The following RPA1 variants were observed in gnomAD, a reference collection of about 807,000 sequenced individuals.
RPA1 encodes replication protein A 70 kDa DNA-binding subunit.
Under a neutral mutation model 83.0 loss-of-function variants are expected in RPA1, and 49 were observed. The ratio of observed to expected loss-of-function variants is 0.59; its 90% CI spans 0.47 to 0.75. RPA1 has a LOEUF of 0.75. Ranked by LOEUF, RPA1 falls within the 30% of genes least tolerant of loss-of-function variation. The probability of loss-of-function intolerance (pLI) is 0.00; values close to 1 mark genes in which losing one functional copy is unlikely to be tolerated. For synonymous variants in RPA1, 279 were observed against 281.8 expected (o/e 0.99, Z 0.10); for missense variants, 693 against 776.1 (o/e 0.89, Z 1.27).
chr17:1,849,289 C>CTTTTTTTTTTTTTTT (rs61062085), intron 4 of RPA1, among the ~76,000 whole-genome samples: 1 of 116,320 alleles, frequency 8.6e-6, no homozygotes, highest in African/African-American at 3.4e-5. Flanking sequence ...GTTGGCTGTT[C>CTTTTTTTTTTTTTTT]TTTTTTTTTT....
At chr17:1,838,125 C>A (rs185106506) in intron 1 of RPA1, among the ~76,000 whole-genome samples, 56 of 151,460 alleles carry the variant, frequency 3.7e-4, no homozygotes, top group Admixed American at 5.9e-4. Context: ...AATCCCGTCT[C>A]TACTAAAAAT....
Position 1,842,852 on chromosome 17 carries a change from T to C in RPA1, c.83T>C (p.Ile28Thr), listed in dbSNP as rs777110403. 7 of 1,613,896 alleles carry C rather than the reference T, an allele frequency of 4.3e-6. No homozygotes were observed. The African/African-American group carries it at 8.0e-5, about 18-fold the overall frequency. ...DTNIKPILQV[I>T]NIRPITTGNS... ...AACATAAAGCCCATCCTCCAAGTCA[T>C]CGTAAGTACCTGCGTATGTTATGTT... The change falls in exon 2 of 17, where the codon ATC (isoleucine) becomes ACC (threonine). Residue 28 changes from isoleucine to threonine, a missense_variant and splice_region_variant. Transcript: ENST00000254719.
chr17:1,853,244 C>T lies in RPA1; in HGVS notation c.361+55C>T, dbSNP rs17338670. 9.2e-3 allele frequency: 12,034 copies of T among 1,310,206 alleles called. 168 individuals are homozygous for T. The highest frequency in any genetic ancestry group is 0.031 in the South Asian group (2,607 of 83,228). 81.2% of individuals were successfully genotyped at this position (1,310,206 alleles called of 1,614,324 possible). A position where few individuals can be genotyped will look rare whatever the true frequency, so the allele number is the denominator to read the frequency against. ...TCAAATGAATACCTCTTTATATATT[C>T]GGAGTTCTACCTTTTGGATTCAGTT... On this transcript the variant is annotated intron_variant, in intron 5 of 16. Transcript: ENST00000254719.
intron 5 of RPA1, among the ~76,000 whole-genome samples, chr17:1,863,660 C>G (rs1464095821): frequency 5.9e-5 from 9 of 152,200 alleles, no homozygotes. Context: ...GGGCCGACAT[C>G]AAAATTTAAA....
At chr17:1,896,060 C>T (rs980794411) in intron 16 of RPA1, among the ~76,000 whole-genome samples, 1 of 152,194 alleles carries the variant, frequency 6.6e-6, no homozygotes, top group Admixed American at 6.5e-5. Flanking sequence ...TGGAACATCT[C>T]ACTTGAGCCT....
At chr17:1,890,238 G>T (rs1012165758) in intron 14 of RPA1, among the ~76,000 whole-genome samples, 1 of 151,786 alleles carries the variant, frequency 6.6e-6, no homozygotes, top group African/African-American at 2.4e-5. Flanking sequence ...GTGGTGGTAT[G>T]CACTTGTCCC....
intron 1 of RPA1, among the ~76,000 whole-genome samples, chr17:1,836,873 C>G (rs1444332521): frequency 6.8e-6 from 1 of 147,828 alleles, no homozygotes; most frequent in Non-Finnish European, 1.5e-5. Context: ...CAGTCTTGCT[C>G]TGTTGCCAGA....
intron 1 of RPA1, among the ~76,000 whole-genome samples, chr17:1,832,997 G>A (rs1417792581): frequency 6.6e-6 from 1 of 152,038 alleles, no homozygotes; most frequent in Non-Finnish European, 1.5e-5. Flanking sequence ...CACATTCTCG[G>A]CTCACTGCAA....
At chr17:1,833,020 G>C (rs144009924) in intron 1 of RPA1, among the ~76,000 whole-genome samples, 8 of 152,096 alleles carry the variant, frequency 5.3e-5, no homozygotes, top group South Asian at 2.1e-4. Flanking sequence ...TCTGCCTCCC[G>C]GGTTCAAGCG....
Position 1,830,113 on chromosome 17 carries a change from AG to A in RPA1, c.25del (p.Ala9ProfsTer13). 8.0e-7 allele frequency: 1 copy of A among 1,247,642 alleles called. No individual in the cohort carries two copies. Among genetic ancestry groups the A allele is most frequent in the Non-Finnish European group, 1.0e-6 (1 of 988,166 alleles). The allele number at this position is 1,247,642 out of a possible 1,614,324, so 77.3% of individuals were successfully genotyped here. MVGQLS[E>X]GAIAAIMQKG... The stretch of plus-strand genomic sequence containing the variant: ...GGAGCCATGGTCGGCCAACTGAGCG[AG>A]GGGGCCATTGCGGTGAGGAGGTGCC... On this transcript the variant is annotated frameshift_variant, in exon 1 of 17. Transcript: ENST00000254719. LOFTEE classifies it high-confidence loss of function.
chr17:1,896,135 G>C (rs998369463), intron 16 of RPA1, among the ~76,000 whole-genome samples: 1 of 152,224 alleles, frequency 6.6e-6, no homozygotes. Flanking sequence ...CATACAGAGA[G>C]ACACGGGCAT....
intron 5 of RPA1, 141 bp downstream of exon 5, chr17:1,853,330 T>G: frequency 1.5e-6 from 1 of 645,656 alleles, no homozygotes; most frequent in Non-Finnish European, 2.7e-6. Flanking sequence ...GGCTATTCTG[T>G]CAGGCTTTTT....
Position 1,880,588 on chromosome 17 carries a change from G to A in RPA1, c.1138G>A (p.Gly380Arg), listed in dbSNP as rs762084566. Reference protein sequence around the residue: ...GSRQPVLAIKGARVSDFGGRS... With the variant: ...GSRQPVLAIKRARVSDFGGRS... Reference sequence around the variant, plus strand: ...TAGACAGCCCGTGTTGGCTATCAAAGGAGCCCGAGTCTCTGATTTCGGTGG... The same window carrying A: ...TAGACAGCCCGTGTTGGCTATCAAAAGAGCCCGAGTCTCTGATTTCGGTGG... Residue 380 changes from glycine to arginine, a missense_variant, in exon 12 of 17, where the codon GGA becomes AGA. Transcript: ENST00000254719. 1 of 1,614,128 alleles carries A rather than the reference G, an allele frequency of 6.2e-7. No individual in the cohort carries two copies. Among genetic ancestry groups the A allele is most frequent in the Admixed American group, 1.7e-5 (1 of 60,018 alleles).
At chr17:1,879,727 C>T (rs201293145) in intron 11 of RPA1, 28 bp downstream of exon 11, 981 of 1,613,502 alleles carry the variant, frequency 6.1e-4, no homozygotes, top group Non-Finnish European at 7.9e-4. Flanking sequence ...GTCTTCAACA[C>T]GCACAGGACC....
rs67199303 is a variant in RPA1 at position 1,874,032 on chromosome 17, T to TACACACAC, written c.454+1531_454+1538dup. 1.0e-3 allele frequency among the ~76,000 whole-genome samples: 80 copies of TACACACAC among 79,224 alleles called. 1 individual carries two copies. Among genetic ancestry groups the TACACACAC allele is most frequent in the African/African-American group, 3.6e-3 (57 of 15,878 alleles). The allele number at this position is 79,224 out of a possible 152,430, so 52.0% of individuals were successfully genotyped here. A position where few individuals can be genotyped will look rare whatever the true frequency, so the allele number is the denominator to read the frequency against. ...AAAAAAATATATATATATATATATA[T>TACACACAC]ACACACACACACACACACACACACA... On this transcript the variant is annotated intron_variant, in intron 6 of 16. Coordinates refer to ENST00000254719, the MANE Select transcript of RPA1 (RefSeq NM_002945.5).
rs746214059 is a variant in RPA1, at chr17:1,891,817, G to A, written c.1552-16G>A. Reference sequence around the variant, plus strand: ...ATTATTTCTTTGCTGAAATAATGTAGAATTGTGTTTTTTAGGTAAATATTG... The same window carrying A: ...ATTATTTCTTTGCTGAAATAATGTAAAATTGTGTTTTTTAGGTAAATATTG... On this transcript the variant is annotated splice_polypyrimidine_tract_variant and intron_variant, in intron 14 of 16. Transcript: ENST00000254719. The A allele has an allele frequency of 1.2e-5, 18 of 1,471,048 alleles. No homozygotes were observed. Among genetic ancestry groups the A allele is most frequent in the Non-Finnish European group, 1.5e-5 (16 of 1,059,570 alleles). 91.1% of individuals were successfully genotyped at this position (1,471,048 alleles called of 1,614,324 possible).
intron 5 of RPA1, among the ~76,000 whole-genome samples, chr17:1,869,587 T>C (rs1433002585): frequency 6.6e-6 from 1 of 151,964 alleles, no homozygotes; most frequent in African/African-American, 2.4e-5. Flanking sequence ...GCCAGTGATA[T>C]GTAAAGCTAG....
At chr17:1,830,921 A>G (rs1222716590) in intron 1 of RPA1, among the ~76,000 whole-genome samples, 1 of 151,820 alleles carries the variant, frequency 6.6e-6, no homozygotes, top group Non-Finnish European at 1.5e-5. Flanking sequence ...GTGCGCCACC[A>G]CACTCGGCTA....
chr17:1,890,749 G>A (rs1290839001), intron 14 of RPA1, among the ~76,000 whole-genome samples: 1 of 152,172 alleles, frequency 6.6e-6, no homozygotes, highest in African/African-American at 2.4e-5. Flanking sequence ...CTCATTTTTT[G>A]TAAACTATAA....
Sources: gnomAD v4.1 joint callset for allele counts (sites outside exome capture counted in the v4.1 genomes callset) on GRCh38, gnomAD v4.1.1 for gene constraint, MANE v1.5 for transcripts, NCBI Gene and HGNC (gene_info 2026-07-23, HGNC 2026-07-21) for gene names.